The following METTL15 variants were observed in gnomAD, a reference collection of about 807,000 sequenced individuals.
METTL15 encodes the protein methyltransferase 15, mitochondrial 12S rRNA N4-cytidine.
METTL15 carries 34 observed loss-of-function variants against 38.3 expected under a neutral mutation model. That is an observed-to-expected ratio of 0.89 (90% confidence interval 0.68 to 1.18). The LOEUF (loss-of-function observed/expected upper bound fraction) is 1.18, where lower values mean the gene tolerates loss of function less well. Among genes scored for constraint, METTL15 ranks in the 50% most tolerant of loss-of-function variants. The pLI is 0.00. For missense variants in METTL15, 438 were observed against 498.4 expected (o/e 0.88, Z 1.15); for synonymous variants, 162 against 170.9 (o/e 0.95, Z 0.41).
intron 6 of METTL15, among the ~76,000 whole-genome samples, chr11:28,469,380 AT>A (rs1456896167): frequency 6.6e-6 from 1 of 152,190 alleles, no homozygotes; most frequent in East Asian, 1.9e-4. Flanking sequence ...TAACATATCC[AT>A]TCCATCGGCA....
At chr11:28,495,121 T>C (rs1851525636) in intron 6 of METTL15, among the ~76,000 whole-genome samples, 1 of 152,184 alleles carries the variant, frequency 6.6e-6, no homozygotes, top group African/African-American at 2.4e-5. Flanking sequence ...ATTTCAGAGA[T>C]TCAAAGTGAA....
intron 5 of METTL15, among the ~76,000 whole-genome samples, chr11:28,378,945 C>G (rs1850352756): frequency 6.6e-6 from 1 of 151,850 alleles, no homozygotes; most frequent in Admixed American, 6.6e-5. Context: ...ATAGGTCAGT[C>G]CTGGTAAGTT....
chr11:28,194,279 A>G (rs776141031), intron 3 of METTL15, among the ~76,000 whole-genome samples: 21 of 148,576 alleles, frequency 1.4e-4, no homozygotes, highest in Non-Finnish European at 2.4e-4. Context: ...GCTCACAGCA[A>G]CCTCTACCTC....
chr11:28,292,112 G>T (rs1395540232), intron 5 of METTL15, among the ~76,000 whole-genome samples: 1 of 151,290 alleles, frequency 6.6e-6, no homozygotes, highest in African/African-American at 2.4e-5. Flanking sequence ...CAACATGCAG[G>T]TTAGTTACAT....
chr11:28,367,456 G>A (rs1850197767), intron 5 of METTL15, among the ~76,000 whole-genome samples: 1 of 152,034 alleles, frequency 6.6e-6, no homozygotes, highest in African/African-American at 2.4e-5. Context: ...ACCTTTTCAA[G>A]GAGAACTACA....
chr11:28,138,956 A>G (rs1013049112), intron 3 of METTL15, among the ~76,000 whole-genome samples: 1 of 152,196 alleles, frequency 6.6e-6, no homozygotes, highest in African/African-American at 2.4e-5. Context: ...GACTAGCCTC[A>G]CAAATCCTTT....
chr11:28,388,629 C>G (rs1164777847), intron 5 of METTL15, among the ~76,000 whole-genome samples: 2 of 152,060 alleles, frequency 1.3e-5, no homozygotes, highest in Non-Finnish European at 2.9e-5. Context: ...TCCATACATA[C>G]TTAAGTATTC....
At chr11:28,367,996 A>G (rs188294101) in intron 5 of METTL15, among the ~76,000 whole-genome samples, 3 of 152,226 alleles carry the variant, frequency 2.0e-5, no homozygotes, top group African/African-American at 7.2e-5. Flanking sequence ...AAATCCTAGA[A>G]GAAAACTTGG....
At chr11:28,430,085 C>A (rs1285284416) in intron 6 of METTL15, among the ~76,000 whole-genome samples, 4 of 148,532 alleles carry the variant, frequency 2.7e-5, no homozygotes, top group African/African-American at 7.4e-5. Flanking sequence ...TCTGCCCGGC[C>A]GCCCTGTCTG....
At chr11:28,391,415 T>A (rs542727457) in intron 5 of METTL15, among the ~76,000 whole-genome samples, 63 of 152,112 alleles carry the variant, frequency 4.1e-4, no homozygotes, top group Non-Finnish European at 8.2e-4. Flanking sequence ...TCAATACCTA[T>A]TTTATTGAGA....
intron 3 of METTL15, among the ~76,000 whole-genome samples, chr11:28,178,183 A>G (rs1851147119): frequency 6.6e-6 from 1 of 151,878 alleles, no homozygotes; most frequent in South Asian, 2.1e-4. Context: ...ATATGCCATT[A>G]TGAATACCCA....
chr11:28,372,845 C>G (rs1283297019), intron 5 of METTL15, among the ~76,000 whole-genome samples: 1 of 143,504 alleles, frequency 7.0e-6, no homozygotes, highest in South Asian at 2.3e-4. Flanking sequence ...GTTCAATTCC[C>G]ACCTATGAGT....
intron 2 of METTL15, among the ~76,000 whole-genome samples, chr11:28,112,473 G>T (rs1565099025): frequency 6.6e-6 from 1 of 152,142 alleles, no homozygotes; most frequent in Non-Finnish European, 1.5e-5. Flanking sequence ...AACCAGCTGG[G>T]TATAAAATGC....
intron 6 of METTL15, among the ~76,000 whole-genome samples, chr11:28,326,039 T>G (rs1849624253): frequency 6.6e-6 from 1 of 152,218 alleles, no homozygotes; most frequent in African/African-American, 2.4e-5. Flanking sequence ...ATTTTCCATC[T>G]TACCTACTCT....
chr11:28,148,790 T>C (rs988613417), intron 3 of METTL15, among the ~76,000 whole-genome samples: 1 of 151,980 alleles, frequency 6.6e-6, no homozygotes, highest in East Asian at 1.9e-4. Flanking sequence ...GTAGTCATGG[T>C]CTATGCTTGT....
intron 4 of METTL15, among the ~76,000 whole-genome samples, chr11:28,242,284 C>T (rs1349509991): frequency 6.6e-6 from 1 of 152,078 alleles, no homozygotes; most frequent in African/African-American, 2.4e-5. Context: ...TCTCATGCTC[C>T]ATCTCTACTC....
chr11:28,305,288 C>CAGGG (rs1306502470), intron 6 of METTL15, among the ~76,000 whole-genome samples: 2 of 152,126 alleles, frequency 1.3e-5, no homozygotes, highest in Admixed American at 1.3e-4. Flanking sequence ...AAATGGGGAG[C>CAGGG]AGGGAATGTT....
chr11:28,292,662 T>A (rs560985754), intron 5 of METTL15, among the ~76,000 whole-genome samples: 10 of 152,182 alleles, frequency 6.6e-5, no homozygotes, highest in Non-Finnish European at 1.2e-4. Context: ...TGAACTAGTT[T>A]ACAGTCCCAC....
intron 4 of METTL15, among the ~76,000 whole-genome samples, chr11:28,282,134 T>G (rs1424893313): frequency 6.6e-6 from 1 of 152,198 alleles, no homozygotes; most frequent in Non-Finnish European, 1.5e-5. Context: ...ACACATTATC[T>G]TCTTACAGAA....
Sources: allele counts gnomAD v4.1 joint callset (sites outside exome capture counted in the v4.1 genomes callset), GRCh38; gene constraint gnomAD v4.1.1; transcripts MANE v1.5; gene names NCBI Gene and HGNC (gene_info 2026-07-23, HGNC 2026-07-21).